RPGR: variants seen among roughly 807,000 people sequenced by gnomAD.
RPGR encodes retinitis pigmentosa GTPase regulator.
In RPGR, 10 loss-of-function variants were observed where a neutral mutation model predicts 56.3. The ratio of observed to expected loss-of-function variants is 0.18; its 90% CI spans 0.11 to 0.30. The LOEUF is 0.30. Ranked by LOEUF, RPGR falls within the 10% of genes least tolerant of loss-of-function variation. The probability of loss-of-function intolerance (pLI) is 1.00; values close to 1 mark genes in which losing one functional copy is unlikely to be tolerated. For synonymous variants in RPGR, 197 were observed against 212.9 expected (o/e 0.93, Z 0.65); for missense variants, 538 against 590.9 (o/e 0.91, Z 0.93).
intron 2 of RPGR, 22 bp from the exon 3 acceptor site, chrX:38,322,967 T>C: frequency 1.8e-6 from 2 of 1,101,868 alleles, no homozygotes; most frequent in Non-Finnish European, 2.5e-6. Context: ...GAAAAAGAAA[T>C]AATCAATTGA....
chrX:38,321,161 C>G (rs1017012334), intron 3 of RPGR, 72 bp from the exon 4 acceptor site: 5 of 775,084 alleles, frequency 6.5e-6, no homozygotes, highest in Non-Finnish European at 9.9e-6. Flanking sequence ...CAAATGGTAA[C>G]TAAGTGATAG....
At chrX:38,285,088 A>G in intron 15 of RPGR, 1 of 739,434 alleles carries the variant, frequency 1.4e-6, no homozygotes, top group Non-Finnish European at 1.6e-6. Context: ...TATTCTATAC[A>G]GTAGGTAAAC....
intron 4 of RPGR, 43 bp from the exon 5 acceptor site, chrX:38,319,030 C>A: frequency 8.5e-7 from 1 of 1,181,160 alleles, no homozygotes; most frequent in African/African-American, 1.7e-5. Flanking sequence ...TAGAGTCCCC[C>A]TTTTTATGAG....
chrX:38,279,063 G>C (rs910253917), intron 15 of RPGR: 19 of 253,260 alleles, frequency 7.5e-5, no homozygotes, highest in Non-Finnish European at 1.3e-4. Flanking sequence ...ATTAGAAAAT[G>C]ACATTTTCAC....
In RPGR at chrX:38,301,338, C is replaced by T. The variant is rs2067497181; in HGVS notation, c.968G>A (p.Arg323His). The change falls in exon 9 of 19, where the codon CGC (arginine) becomes CAC (histidine). Residue 323 changes from arginine (R) to histidine (H), a missense_variant. Arg to His is a conservative substitution (Grantham distance 29). Around this residue, in one of 2 missense-constraint regions of RPGR, gnomAD observed 181 missense variants for 265.1 expected, o/e 0.68. Coordinates refer to ENST00000642395, the MANE Select transcript of RPGR (RefSeq NM_000328.3). ...CAGTCCAAGTCCTAATTTTCCGTGG[C>T]GACCATCTCCAAAAGTATACATAAG... The T allele has an allele frequency of 1.7e-6, 2 of 1,203,898 alleles. No individual in the cohort carries two copies. The highest frequency in any genetic ancestry group is 2.2e-6 in the Non-Finnish European group (2 of 890,190).
rs938548161 is a variant in RPGR, at chrX:38,314,683, T to C, written c.619+2633A>G. On this transcript the variant is annotated intron_variant, in intron 6 of 18. Transcript: ENST00000642395. The stretch of plus-strand genomic sequence containing the variant: ...TTATCTATAAGATCTAAAAATTGAA[T>C]ATTTTATATAATTTATAATATGAAC... 3.6e-5 allele frequency among the ~76,000 whole-genome samples: 4 copies of C among 112,203 alleles called. No individual in the cohort carries two copies. In the Admixed American group the frequency reaches 3.8e-4, roughly 11 times the overall value.
intron 7 of RPGR, among the ~76,000 whole-genome samples, chrX:38,307,503 G>A (rs1025996590): frequency 8.9e-6 from 1 of 112,193 alleles, no homozygotes; most frequent in African/African-American, 3.2e-5. Context: ...GGCTGGGAAG[G>A]TCCTTCACAG....
chrX:38,283,594 C>A (rs1248458583), intron 15 of RPGR, among the ~76,000 whole-genome samples: 1 of 112,149 alleles, frequency 8.9e-6, no homozygotes, highest in Non-Finnish European at 1.9e-5. Context: ...CACTAGAAAA[C>A]AATGCTTGCA....
chrX:38,305,309 G>A (rs1569250192), intron 7 of RPGR, among the ~76,000 whole-genome samples: 1 of 111,418 alleles, frequency 9.0e-6, no homozygotes, highest in Non-Finnish European at 1.9e-5. Context: ...AGCTACATAG[G>A]GAGGCTGAGG....
At chrX:38,323,020 TA>T in intron 2 of RPGR, 75 bp from the exon 3 acceptor site, 1 of 759,972 alleles carries the variant, frequency 1.3e-6, no homozygotes, top group Non-Finnish European at 2.1e-6. Context: ...CACAAAGCAA[TA>T]AAAAGCTATA....
intron 15 of RPGR, among the ~76,000 whole-genome samples, chrX:38,277,227 T>A (rs1290526150): frequency 9.1e-6 from 1 of 110,495 alleles, no homozygotes; most frequent in Non-Finnish European, 1.9e-5. Context: ...AAGATAAGTA[T>A]AATTATTTAC....
chrX:38,296,564 C>T (rs780436755), intron 11 of RPGR, among the ~76,000 whole-genome samples: 15 of 111,239 alleles, frequency 1.3e-4, no homozygotes, highest in African/African-American at 4.3e-4. Context: ...TAGGTAGTGA[C>T]GCAAAGGTAT....
chrX:38,293,227 C>A (rs1364726562), intron 11 of RPGR, among the ~76,000 whole-genome samples: 1 of 111,152 alleles, frequency 9.0e-6, no homozygotes. Context: ...GCTTCCTGGG[C>A]CATATGGTCT....
intron 10 of RPGR, among the ~76,000 whole-genome samples, chrX:38,298,160 C>T (rs1249759016): frequency 9.2e-6 from 1 of 109,084 alleles, no homozygotes; most frequent in East Asian, 2.9e-4. Context: ...GTCCCAGCTA[C>T]TTGGGAGGCT....
At chrX:38,327,059 TAAAA>T (rs1232638719) in intron 1 of RPGR, 38 of 263,162 alleles carry the variant, frequency 1.4e-4, no homozygotes, top group South Asian at 2.8e-4. Context: ...CTCCGTCTCA[TAAAA>T]AAAAAAAAAA....
intron 9 of RPGR, among the ~76,000 whole-genome samples, 164 bp downstream of exon 9, chrX:38,301,083 A>G (rs1455453487): frequency 1.8e-5 from 2 of 111,701 alleles, no homozygotes; most frequent in Non-Finnish European, 3.8e-5. Context: ...CATTTTCTGA[A>G]TGGCATAATG....
At chrX:38,325,653 G>A (rs1248161183) in intron 1 of RPGR, 2 of 111,603 alleles carry the variant, frequency 1.8e-5, no homozygotes, top group Non-Finnish European at 3.8e-5. Flanking sequence ...AACAGTACAT[G>A]GGAAAGGACG....
chrX:38,304,522 T>C, intron 8 of RPGR, 113 bp downstream of exon 8: 1 of 584,168 alleles, frequency 1.7e-6, no homozygotes. Context: ...ATTCCATTTT[T>C]CTCAGCCATT....
chrX:38,307,445 T>A (rs2067625220), intron 7 of RPGR, among the ~76,000 whole-genome samples: 1 of 112,586 alleles, frequency 8.9e-6, no homozygotes, highest in African/African-American at 3.2e-5. Flanking sequence ...TAATGAATGA[T>A]CCTCTAATAG....
Sources: gnomAD v4.1 joint callset for allele counts (sites outside exome capture counted in the v4.1 genomes callset) on GRCh38, gnomAD v4.1.1 for gene constraint, gnomAD v4.1.1 regional missense constraint, MANE v1.5 for transcripts, NCBI Gene and HGNC (gene_info 2026-07-23, HGNC 2026-07-21) for gene names.